Variants in ANAPC10 observed in about 807,000 individuals in gnomAD.
The protein encoded by ANAPC10 is anaphase-promoting complex subunit 10.
In ANAPC10, 12 loss-of-function variants were observed where a neutral mutation model predicts 22.0. That is an observed-to-expected ratio of 0.55 (90% CI 0.35 to 0.88). The LOEUF is 0.88. Ranked by LOEUF, ANAPC10 falls within the 40% of genes least tolerant of loss-of-function variation. ANAPC10 has a pLI of 0.01. For synonymous variants in ANAPC10, 65 were observed against 69.5 expected (o/e 0.94, Z 0.32); for missense variants, 188 against 220.9 (o/e 0.85, Z 0.94).
At chr4:145,049,126 AAT>A in intron 4 of ANAPC10, among the ~76,000 whole-genome samples, 1 of 152,320 alleles carries the variant, frequency 6.6e-6, no homozygotes, top group South Asian at 2.1e-4. Context: ...CTCACAAAAA[AAT>A]ATTTTACTGC....
At chr4:145,091,413 TCAAA>T (rs1443166004) in intron 2 of ANAPC10, among the ~76,000 whole-genome samples, 2 of 152,072 alleles carry the variant, frequency 1.3e-5, no homozygotes, top group African/African-American at 4.8e-5. Flanking sequence ...TACTAATAGA[TCAAA>T]CAGTGAAAGA....
intron 3 of ANAPC10, among the ~76,000 whole-genome samples, chr4:145,071,846 A>C (rs1407978160): frequency 6.6e-6 from 1 of 152,216 alleles, no homozygotes; most frequent in Non-Finnish European, 1.5e-5. Context: ...AGCATCCATA[A>C]GATAATAGTC....
chr4:144,996,949 T>C (rs1731709572), intron 4 of ANAPC10, among the ~76,000 whole-genome samples: 1 of 152,042 alleles, frequency 6.6e-6, no homozygotes, highest in African/African-American at 2.4e-5. Context: ...ATGCACAAGC[T>C]TCAATAGCTG....
intron 4 of ANAPC10, among the ~76,000 whole-genome samples, chr4:144,998,793 C>A (rs1732038189): frequency 6.6e-6 from 1 of 151,984 alleles, no homozygotes; most frequent in African/African-American, 2.4e-5. Flanking sequence ...GAGATAGAGA[C>A]ACAAAAAACC....
At chr4:145,048,133 A>G (rs1740600464) in intron 4 of ANAPC10, among the ~76,000 whole-genome samples, 1 of 152,132 alleles carries the variant, frequency 6.6e-6, no homozygotes, top group Non-Finnish European at 1.5e-5. Context: ...TCCTCAGTAA[A>G]GCTAAAACGG....
At chr4:145,040,129 A>G (rs866710426) in intron 4 of ANAPC10, among the ~76,000 whole-genome samples, 12 of 148,804 alleles carry the variant, frequency 8.1e-5, no homozygotes, top group African/African-American at 2.5e-4. Context: ...GTGTGTGTGT[A>G]TGTGTGTGTG....
chr4:145,008,735 C>A (rs1164116662), intron 4 of ANAPC10, among the ~76,000 whole-genome samples: 1 of 152,154 alleles, frequency 6.6e-6, no homozygotes, highest in African/African-American at 2.4e-5. Context: ...CAATATCATA[C>A]TGAATGGGCA....
At chr4:145,004,292 T>G (rs1322057024) in intron 4 of ANAPC10, among the ~76,000 whole-genome samples, 1 of 151,622 alleles carries the variant, frequency 6.6e-6, no homozygotes, top group East Asian at 2.0e-4. Flanking sequence ...CTGCAAACAG[T>G]GTTAGTTTGA....
chr4:145,058,960 A>G (rs1742475880), intron 4 of ANAPC10, among the ~76,000 whole-genome samples: 1 of 152,182 alleles, frequency 6.6e-6, no homozygotes, highest in Non-Finnish European at 1.5e-5. Context: ...AAGATGAACT[A>G]AAGTTAGTTA....
At chr4:145,051,442 T>A (rs1286526611) in intron 4 of ANAPC10, among the ~76,000 whole-genome samples, 2 of 152,084 alleles carry the variant, frequency 1.3e-5, no homozygotes, top group South Asian at 2.1e-4. Flanking sequence ...CAAAATGTGA[T>A]AGAAACAGGA....
At chr4:145,053,013 T>C (rs1741365904) in intron 4 of ANAPC10, among the ~76,000 whole-genome samples, 1 of 152,138 alleles carries the variant, frequency 6.6e-6, no homozygotes, top group Non-Finnish European at 1.5e-5. Flanking sequence ...ACTATTATTA[T>C]TTTAGCTAAG....
intron 3 of ANAPC10, among the ~76,000 whole-genome samples, chr4:145,081,087 A>G (rs1159553765): frequency 6.6e-6 from 1 of 152,042 alleles, no homozygotes; most frequent in Non-Finnish European, 1.5e-5. Flanking sequence ...CTTGGCCAAC[A>G]TAGCGGCCAA....
intron 3 of ANAPC10, among the ~76,000 whole-genome samples, chr4:145,070,265 C>A (rs1744301693): frequency 6.6e-6 from 1 of 152,116 alleles, no homozygotes; most frequent in Non-Finnish European, 1.5e-5. Flanking sequence ...AGCTTTAATA[C>A]TACAATGGCA....
chr4:145,068,380 A>G (rs1481486353), intron 3 of ANAPC10, among the ~76,000 whole-genome samples: 3 of 152,230 alleles, frequency 2.0e-5, no homozygotes, highest in Admixed American at 6.5e-5. Context: ...AGTAACTAAT[A>G]AACCCTAAGG....
intron 4 of ANAPC10, among the ~76,000 whole-genome samples, chr4:145,022,854 T>C (rs566821743): frequency 6.6e-6 from 1 of 151,548 alleles, no homozygotes; most frequent in South Asian, 2.1e-4. Context: ...GGATGATTAA[T>C]ATATGAGTCA....
chr4:145,024,439 G>A (rs1011921272), intron 4 of ANAPC10, among the ~76,000 whole-genome samples: 1 of 152,134 alleles, frequency 6.6e-6, no homozygotes. Flanking sequence ...TAAATAATAA[G>A]AATTGAAAGT....
At chr4:145,002,447 A>T (rs1732716097) in intron 4 of ANAPC10, among the ~76,000 whole-genome samples, 1 of 149,586 alleles carries the variant, frequency 6.7e-6, no homozygotes, top group Admixed American at 6.7e-5. Context: ...TGGTCAAATC[A>T]TTCATTTTAG....
At chr4:145,000,208 T>C (rs1732308202) in intron 4 of ANAPC10, among the ~76,000 whole-genome samples, 2 of 152,108 alleles carry the variant, frequency 1.3e-5, no homozygotes, top group African/African-American at 4.8e-5. Flanking sequence ...AAATGGGATC[T>C]AATTAAACTA....
intron 3 of ANAPC10, among the ~76,000 whole-genome samples, chr4:145,068,584 A>C (rs1051925193): frequency 6.6e-6 from 1 of 152,232 alleles, no homozygotes; most frequent in African/African-American, 2.4e-5. Context: ...TTTATAAATA[A>C]CTATATTCTT....
Sources: allele counts gnomAD v4.1 joint callset (sites outside exome capture counted in the v4.1 genomes callset), GRCh38; gene constraint gnomAD v4.1.1; transcripts MANE v1.5; gene names NCBI Gene and HGNC (gene_info 2026-07-23, HGNC 2026-07-21).